ADGRG6: variants seen among roughly 807,000 people sequenced by gnomAD.
The protein encoded by ADGRG6 is adhesion G protein-coupled receptor G6, also known as G-protein coupled receptor 126.
Under a neutral mutation model 142.4 loss-of-function variants are expected in ADGRG6, and 84 were observed. The ratio of observed to expected loss-of-function variants is 0.59; its 90% CI spans 0.49 to 0.71. The LOEUF (loss-of-function observed/expected upper bound fraction) is 0.71, where lower values mean the gene tolerates loss of function less well. Among genes scored for constraint, ADGRG6 ranks in the 30% least tolerant of loss-of-function variants. ADGRG6 has a pLI of 0.00. For synonymous variants in ADGRG6, 521 were observed against 520.5 expected (o/e 1.00, Z -0.01); for missense variants, 1,367 against 1,466.6 (o/e 0.93, Z 1.11).
At chr6:142,439,817 T>G (rs1350909912) in intron 24 of ADGRG6, among the ~76,000 whole-genome samples, 2 of 151,912 alleles carry the variant, frequency 1.3e-5, no homozygotes, top group African/African-American at 2.4e-5. Flanking sequence ...TAAGAATACC[T>G]GTGTAAATAA....
At chr6:142,382,204 A>G (rs1240120718) in intron 5 of ADGRG6, among the ~76,000 whole-genome samples, 185 bp downstream of exon 5, 1 of 152,190 alleles carries the variant, frequency 6.6e-6, no homozygotes, top group Non-Finnish European at 1.5e-5. Flanking sequence ...ATGGAGAAAG[A>G]ATGCATTCAC....
At chr6:142,355,737 G>C (rs1464189406) in intron 2 of ADGRG6, among the ~76,000 whole-genome samples, 1 of 151,836 alleles carries the variant, frequency 6.6e-6, no homozygotes, top group Non-Finnish European at 1.5e-5. Context: ...TTGTGGTTTG[G>C]CCTTCTGTAA....
intron 4 of ADGRG6, among the ~76,000 whole-genome samples, chr6:142,379,839 T>C (rs1781675790): frequency 6.6e-6 from 1 of 152,136 alleles, no homozygotes; most frequent in African/African-American, 2.4e-5. Flanking sequence ...TTTCAATTAG[T>C]TTAGAAAGTT....
At chr6:142,351,867 A>T (rs539350345) in intron 2 of ADGRG6, among the ~76,000 whole-genome samples, 74 of 152,188 alleles carry the variant, frequency 4.9e-4, no homozygotes, top group Admixed American at 1.8e-3. Flanking sequence ...CCCCGTTATT[A>T]CTCATCACTA....
At chr6:142,345,699 T>C (rs1197640356) in intron 2 of ADGRG6, among the ~76,000 whole-genome samples, 1 of 152,130 alleles carries the variant, frequency 6.6e-6, no homozygotes, top group Non-Finnish European at 1.5e-5. Flanking sequence ...TAAAAATATA[T>C]TTTTCCAGTG....
chr6:142,377,600 C>T (rs574101102), intron 4 of ADGRG6, among the ~76,000 whole-genome samples: 10 of 152,266 alleles, frequency 6.6e-5, no homozygotes, highest in African/African-American at 2.4e-4. Flanking sequence ...CTGGTAGCCT[C>T]GAAAATCAGT....
At chr6:142,320,592 C>T (rs1778464991) in intron 2 of ADGRG6, among the ~76,000 whole-genome samples, 1 of 151,986 alleles carries the variant, frequency 6.6e-6, no homozygotes, top group Non-Finnish European at 1.5e-5. Context: ...TAGGAAGATA[C>T]AGTTAGTACA....
At chr6:142,432,628 T>C (rs888048565) in intron 22 of ADGRG6, among the ~76,000 whole-genome samples, 1 of 152,156 alleles carries the variant, frequency 6.6e-6, no homozygotes, top group African/African-American at 2.4e-5. Flanking sequence ...TACTTAAAAA[T>C]AGGCAATGTC....
intron 7 of ADGRG6, 122 bp from the exon 8 acceptor site, chr6:142,392,826 C>T: frequency 1.5e-6 from 1 of 662,648 alleles, no homozygotes; most frequent in Non-Finnish European, 2.7e-6. Flanking sequence ...TTCACTCCTC[C>T]AACTCTTCAG....
intron 2 of ADGRG6, 61 bp from the exon 3 acceptor site, chr6:142,367,508 G>A (rs780706631): frequency 1.4e-4 from 162 of 1,170,518 alleles, no homozygotes; most frequent in Non-Finnish European, 1.9e-4. Flanking sequence ...TGGTATTCTC[G>A]GTTTATTGCA....
chr6:142,390,281 G>T lies in ADGRG6; in HGVS notation c.1246G>T (p.Val416Leu), dbSNP rs555414871. 1 of 1,591,206 alleles carries T rather than the reference G, an allele frequency of 6.3e-7. No homozygotes were observed. Among genetic ancestry groups the T allele is most frequent in the Non-Finnish European group, 8.6e-7 (1 of 1,162,394 alleles). ...AGATGGAATTATCTATAGAATATCC[G>T]TAGTGATTCAGAACATCCTTCGTCA... ...RNDGIIYRIS[V>L]VIQNILRHPE... The change falls in exon 7 of 25, where the codon GTA (valine) becomes TTA (leucine). Residue 416 changes from valine to leucine, a missense_variant. Val to Leu is a conservative substitution (Grantham distance 32, BLOSUM62 1). Transcript: ENST00000367609.
At position 142,443,430 on chromosome 6, in the gene ADGRG6, T is replaced by C; in HGVS notation, c.3668T>C (p.Val1223Ala). 4 of 1,611,222 alleles carry C rather than the reference T, an allele frequency of 2.5e-6. No homozygotes were observed. In the South Asian group the frequency reaches 4.4e-5, roughly 18 times the overall value. ...IIPVHQVIDK[V>A]KGYCNAHSDN... ...CCTGTCCATCAGGTCATTGATAAGG[T>C]CAAGGGTTATTGCAATGCTCATTCA... Residue 1223 changes from valine to alanine, a missense_variant, in exon 25 of 25, where the codon GTC becomes GCC. By Grantham distance (64) the Val-to-Ala change is moderately conservative. Around this residue, in one of 3 missense-constraint regions of ADGRG6, gnomAD observed 344 missense variants for 348.7 expected, o/e 0.99. Coordinates refer to ENST00000367609, the MANE Select transcript of ADGRG6 (RefSeq NM_198569.3).
chr6:142,419,594 TG>T (rs1373007451), intron 21 of ADGRG6, among the ~76,000 whole-genome samples: 1 of 152,134 alleles, frequency 6.6e-6, no homozygotes, highest in Non-Finnish European at 1.5e-5. Flanking sequence ...TTGTCTTCTT[TG>T]TAATATTGGC....
At chr6:142,410,882 A>G (rs944251271) in intron 17 of ADGRG6, among the ~76,000 whole-genome samples, 1 of 152,164 alleles carries the variant, frequency 6.6e-6, no homozygotes, top group African/African-American at 2.4e-5. Context: ...TTTTGTATAC[A>G]TAAATGGCAC....
chr6:142,337,658 A>C (rs1779382883), intron 2 of ADGRG6, among the ~76,000 whole-genome samples: 1 of 152,122 alleles, frequency 6.6e-6, no homozygotes, highest in Non-Finnish European at 1.5e-5. Context: ...TATGCATTCT[A>C]GTGCATTTCT....
chr6:142,431,393 A>G (rs1458546997), intron 22 of ADGRG6, among the ~76,000 whole-genome samples: 1 of 152,180 alleles, frequency 6.6e-6, no homozygotes, highest in Non-Finnish European at 1.5e-5. Flanking sequence ...TTTGTGATAC[A>G]TGAAGGTTTC....
chr6:142,397,555 C>T (rs542456628), intron 9 of ADGRG6, 58 bp from the exon 10 acceptor site: 6 of 1,537,974 alleles, frequency 3.9e-6, no homozygotes, highest in East Asian at 2.3e-5. Context: ...GTTTCTCCTA[C>T]CAAATGACAA....
chr6:142,377,230 G>A (rs564525722), intron 4 of ADGRG6, among the ~76,000 whole-genome samples: 2 of 152,094 alleles, frequency 1.3e-5, no homozygotes, highest in African/African-American at 4.8e-5. Flanking sequence ...ACTTTATTGG[G>A]CAAAAAGGAA....
intron 24 of ADGRG6, 89 bp from the exon 25 acceptor site, chr6:142,443,248 T>G: frequency 1.4e-6 from 1 of 719,916 alleles, no homozygotes; most frequent in Non-Finnish European, 2.3e-6. Context: ...TGTTCTTCTT[T>G]AATGTGCAAA....
Sources: gnomAD v4.1 joint callset for allele counts (sites outside exome capture counted in the v4.1 genomes callset) on GRCh38, gnomAD v4.1.1 for gene constraint, gnomAD v4.1.1 regional missense constraint, MANE v1.5 for transcripts, NCBI Gene and HGNC (gene_info 2026-07-23, HGNC 2026-07-21) for gene names.